Variants in CBFA2T3 observed in about 807,000 individuals in gnomAD.
The protein encoded by CBFA2T3 is CBFA2/RUNX1 partner transcriptional co-repressor 3.
Under a neutral mutation model 58.6 loss-of-function variants are expected in CBFA2T3, and 31 were observed. The observed-to-expected ratio is 0.53, with a 90% CI of 0.40 to 0.71. CBFA2T3 has a LOEUF of 0.71. Ranked by LOEUF, CBFA2T3 falls within the 30% of genes least tolerant of loss-of-function variation. The pLI is 0.00. For synonymous variants in CBFA2T3, 531 were observed against 421.9 expected (o/e 1.26, Z -3.17); for missense variants, 1,076 against 963.1 (o/e 1.12, Z -1.55).
intron 1 of CBFA2T3, among the ~76,000 whole-genome samples, chr16:88,909,987 G>A (rs368154070): frequency 5.9e-5 from 9 of 152,102 alleles, no homozygotes; most frequent in African/African-American, 4.8e-5. Flanking sequence ...TGTCCACGGC[G>A]GCTCCCACGG....
intron 1 of CBFA2T3, among the ~76,000 whole-genome samples, chr16:88,913,088 C>T (rs576800061): frequency 1.2e-4 from 18 of 152,384 alleles, no homozygotes; most frequent in African/African-American, 4.3e-4. Context: ...GGTCCACTTC[C>T]CTGCCCCCTG....
At chr16:88,965,297 T>C (rs188582968) in intron 1 of CBFA2T3, among the ~76,000 whole-genome samples, 8 of 152,380 alleles carry the variant, frequency 5.3e-5, no homozygotes, top group Non-Finnish European at 7.3e-5. Flanking sequence ...AGCATTTCTA[T>C]AAATCAAGTG....
chr16:88,882,623 T>C, intron 8 of CBFA2T3, 53 bp downstream of exon 8: 1 of 1,172,324 alleles, frequency 8.5e-7, no homozygotes, highest in Non-Finnish European at 1.2e-6. Context: ...TGTGTGTGCG[T>C]GGCTGTGCGC....
intron 2 of CBFA2T3, among the ~76,000 whole-genome samples, chr16:88,899,005 C>G (rs551961379): frequency 2.6e-5 from 4 of 152,066 alleles, no homozygotes; most frequent in African/African-American, 9.7e-5. Flanking sequence ...GCCCTTTAAG[C>G]GTCCTCCCAG....
At chr16:88,888,287 C>T (rs953551648) in intron 5 of CBFA2T3, among the ~76,000 whole-genome samples, 7 of 149,388 alleles carry the variant, frequency 4.7e-5, no homozygotes, top group African/African-American at 9.9e-5. Context: ...CTGGGCCTGG[C>T]GGGCTGTGGA....
intron 1 of CBFA2T3, among the ~76,000 whole-genome samples, chr16:88,967,502 G>A (rs530850047): frequency 6.6e-6 from 1 of 152,090 alleles, no homozygotes; most frequent in East Asian, 1.9e-4. Context: ...AGGAAGCCGT[G>A]GTGGGGTGTG....
chr16:88,922,689 A>G (rs1970960418), intron 1 of CBFA2T3, among the ~76,000 whole-genome samples: 2 of 152,326 alleles, frequency 1.3e-5, no homozygotes, highest in Middle Eastern at 3.4e-3. Context: ...TCCCGCCTAC[A>G]GGCCGGGTCC....
At chr16:88,912,250 A>T (rs942269615) in intron 1 of CBFA2T3, among the ~76,000 whole-genome samples, 1 of 152,214 alleles carries the variant, frequency 6.6e-6, no homozygotes, top group African/African-American at 2.4e-5. Flanking sequence ...AGGACCAAGA[A>T]GGCTCTCTGG....
At chr16:88,891,837 C>A (rs1969643123) in intron 5 of CBFA2T3, 45 bp downstream of exon 5, 2 of 1,403,806 alleles carry the variant, frequency 1.4e-6, no homozygotes, top group African/African-American at 2.9e-5. Context: ...ATTAAGGGGC[C>A]TTCTAGGGAG....
At chr16:88,933,783 G>A (rs957638932) in intron 1 of CBFA2T3, among the ~76,000 whole-genome samples, 2 of 136,150 alleles carry the variant, frequency 1.5e-5, no homozygotes, top group Non-Finnish European at 3.4e-5. Flanking sequence ...ACACGTCTGC[G>A]TCCCCACAGC....
intron 1 of CBFA2T3, among the ~76,000 whole-genome samples, chr16:88,966,865 C>G (rs1201620700): frequency 6.6e-6 from 1 of 152,168 alleles, no homozygotes; most frequent in Admixed American, 6.5e-5. Flanking sequence ...GCGCTCATTT[C>G]CCCCAGGAAG....
chr16:88,880,766 C>T lies in CBFA2T3; in HGVS notation c.1425G>A (p.Pro475=), dbSNP rs755274675. ...PQLDVPREFL[P]RTLTGYVPED... Reference sequence around the variant, plus strand: ...CAGGCACGTAGCCGGTGAGGGTCCTCGGCAGGAACTCGCGAGGCACGTCTG... The same window carrying T: ...CAGGCACGTAGCCGGTGAGGGTCCTTGGCAGGAACTCGCGAGGCACGTCTG... Residue 475 remains proline (P), a synonymous_variant, in exon 10 of 12, where the codon CCG becomes CCA. Coordinates refer to ENST00000268679, the MANE Select transcript of CBFA2T3 (RefSeq NM_005187.6). The T allele has an allele frequency of 9.5e-6, 15 of 1,585,098 alleles. No individual in the cohort carries two copies. The highest frequency in any genetic ancestry group is 6.9e-5 in the South Asian group (6 of 87,104).
chr16:88,947,549 C>T (rs112428403), intron 1 of CBFA2T3, among the ~76,000 whole-genome samples: 5 of 152,128 alleles, frequency 3.3e-5, no homozygotes, highest in African/African-American at 7.2e-5. Flanking sequence ...GCTGGATTAT[C>T]GTTATAATTA....
intron 1 of CBFA2T3, among the ~76,000 whole-genome samples, chr16:88,905,448 A>G (rs1597704856): frequency 6.6e-6 from 1 of 151,266 alleles, no homozygotes; most frequent in Non-Finnish European, 1.5e-5. Context: ...TCAGGATGTC[A>G]CCCCACACTG....
chr16:88,899,211 G>T (rs764766887), intron 2 of CBFA2T3, among the ~76,000 whole-genome samples: 1 of 152,128 alleles, frequency 6.6e-6, no homozygotes, highest in Non-Finnish European at 1.5e-5. Context: ...GCCAGTCCCC[G>T]GGGAGGAGCC....
intron 7 of CBFA2T3, chr16:88,884,802 G>A (rs1026234659): frequency 2.0e-5 from 9 of 446,560 alleles, no homozygotes; most frequent in African/African-American, 6.1e-5. Context: ...TGAGAACCAC[G>A]TGGGCAGTTC....
At chr16:88,898,002 C>G (rs910882343) in intron 3 of CBFA2T3, 76 bp downstream of exon 3, 12 of 1,069,900 alleles carry the variant, frequency 1.1e-5, no homozygotes, top group South Asian at 2.5e-5. Context: ...GCCCCCAGGG[C>G]AGCAGTGTTG....
chr16:88,972,414 C>G (rs1196601669), intron 1 of CBFA2T3, among the ~76,000 whole-genome samples: 1 of 152,170 alleles, frequency 6.6e-6, no homozygotes, highest in Non-Finnish European at 1.5e-5. Flanking sequence ...CTCTCTATTA[C>G]TAGCTCATCC....
chr16:88,965,197 A>G (rs1972471677), intron 1 of CBFA2T3, among the ~76,000 whole-genome samples: 1 of 149,804 alleles, frequency 6.7e-6, no homozygotes, highest in Non-Finnish European at 1.5e-5. Flanking sequence ...ATCATTTAAT[A>G]ACATGCTTAT....
Sources: gnomAD v4.1 joint callset for allele counts (sites outside exome capture counted in the v4.1 genomes callset) on GRCh38, gnomAD v4.1.1 for gene constraint, MANE v1.5 for transcripts, NCBI Gene and HGNC (gene_info 2026-07-23, HGNC 2026-07-21) for gene names.